The following EYS variants were observed in gnomAD, a reference collection of about 807,000 sequenced individuals.
EYS encodes protein eyes shut homolog.
EYS carries 250 observed loss-of-function variants against 282.1 expected under a neutral mutation model. The observed-to-expected ratio is 0.89, with a 90% CI of 0.80 to 0.98. EYS has a LOEUF of 0.98. Among genes scored for constraint, EYS ranks in the 50% least tolerant of loss-of-function variants. The pLI, the probability that EYS is intolerant of heterozygous loss-of-function variation, is 0.00. For synonymous variants in EYS, 1,355 were observed against 1,282.9 expected, an observed-to-expected ratio of 1.06 and a Z score of -1.20; for missense variants, 4,016 against 3,709.0, an observed-to-expected ratio of 1.08 and a Z score of -2.15.
chr6:63,833,198 T>A (rs1771696582), intron 36 of EYS, among the ~76,000 whole-genome samples: 1 of 152,086 alleles, frequency 6.6e-6, no homozygotes, highest in African/African-American at 2.4e-5. Flanking sequence ...TTCAACATGG[T>A]GTTGGAAGTT....
intron 22 of EYS, among the ~76,000 whole-genome samples, chr6:64,714,442 T>G (rs1023477494): frequency 6.6e-6 from 1 of 152,148 alleles, no homozygotes; most frequent in Non-Finnish European, 1.5e-5. Flanking sequence ...TTTTTAAAAT[T>G]TTCATCTAGC....
At chr6:64,421,861 G>C (rs4098453) in intron 28 of EYS, among the ~76,000 whole-genome samples, 1 of 64,206 alleles carries the variant, frequency 1.6e-5, no homozygotes, top group African/African-American at 8.8e-5. Flanking sequence ...TGTTTGGGGG[G>C]TGTGTGTGTG....
At chr6:63,950,683 C>T (rs1228273614) in intron 35 of EYS, among the ~76,000 whole-genome samples, 3 of 152,132 alleles carry the variant, frequency 2.0e-5, no homozygotes, top group Non-Finnish European at 4.4e-5. Flanking sequence ...GATCCACCTA[C>T]GACCTCTGGT....
At chr6:65,275,986 AC>A (rs1304300704) in intron 12 of EYS, among the ~76,000 whole-genome samples, 4 of 151,380 alleles carry the variant, frequency 2.6e-5, no homozygotes, top group Admixed American at 6.6e-5. Flanking sequence ...TAATAAAAAA[AC>A]AAAACAAACA....
At chr6:63,923,206 C>A (rs149195133) in intron 35 of EYS, among the ~76,000 whole-genome samples, 61 of 151,782 alleles carry the variant, frequency 4.0e-4, no homozygotes, top group African/African-American at 1.4e-3. Context: ...ATTTCATTCC[C>A]CTAGAATAGA....
At chr6:64,725,320 A>T (rs763611635) in intron 22 of EYS, among the ~76,000 whole-genome samples, 2 of 152,036 alleles carry the variant, frequency 1.3e-5, no homozygotes, top group African/African-American at 2.4e-5. Flanking sequence ...CATTCCACTC[A>T]TTGAGGAGAG....
intron 22 of EYS, among the ~76,000 whole-genome samples, chr6:64,789,178 C>T (rs1774107485): frequency 6.6e-6 from 1 of 152,154 alleles, no homozygotes; most frequent in Admixed American, 6.6e-5. Context: ...ATTTATCTTT[C>T]TAAAATACAA....
At chr6:64,901,460 T>C (rs11757469) in intron 18 of EYS, among the ~76,000 whole-genome samples, 4,720 of 151,682 alleles carry the variant, frequency 0.031, 135 homozygotes, top group East Asian at 0.13. Flanking sequence ...AAATGGAACA[T>C]TCTGAAAATG....
chr6:64,465,803 C>T (rs796119274), intron 26 of EYS, among the ~76,000 whole-genome samples: 8 of 150,916 alleles, frequency 5.3e-5, no homozygotes, highest in African/African-American at 1.9e-4. Context: ...ATAATTACCA[C>T]AGTGAAGAAA....
At chr6:64,233,516 A>C (rs1562264453) in intron 30 of EYS, among the ~76,000 whole-genome samples, 1 of 152,222 alleles carries the variant, frequency 6.6e-6, no homozygotes, top group Non-Finnish European at 1.5e-5. Context: ...AAACATAACT[A>C]GATGTTGGAC....
At chr6:64,877,064 G>A (rs1445856817) in intron 19 of EYS, among the ~76,000 whole-genome samples, 1 of 152,074 alleles carries the variant, frequency 6.6e-6, no homozygotes, top group East Asian at 1.9e-4. Flanking sequence ...AGATGATGGG[G>A]GCTTAGACTA....
At chr6:65,403,716 TAATG>T (rs1342439846) in intron 6 of EYS, among the ~76,000 whole-genome samples, 1 of 151,910 alleles carries the variant, frequency 6.6e-6, no homozygotes, top group African/African-American at 2.4e-5. Flanking sequence ...AGAATATAAA[TAATG>T]AATAATAGAG....
intron 40 of EYS, among the ~76,000 whole-genome samples, chr6:63,763,135 T>C (rs1194104198): frequency 2.0e-5 from 3 of 152,056 alleles, no homozygotes; most frequent in African/African-American, 4.8e-5. Flanking sequence ...GGGATGTTCA[T>C]AGTCAGGAAC....
intron 26 of EYS, among the ~76,000 whole-genome samples, chr6:64,533,758 A>C (rs190496544): frequency 2.1e-3 from 321 of 152,128 alleles, no homozygotes; most frequent in African/African-American, 5.4e-3. Flanking sequence ...CTAAGAACCC[A>C]AAAAAGTAAA....
intron 24 of EYS, among the ~76,000 whole-genome samples, chr6:64,595,909 G>C (rs764245977): frequency 1.3e-5 from 2 of 152,148 alleles, no homozygotes; most frequent in Non-Finnish European, 2.9e-5. Context: ...ATTTCATAAA[G>C]AAAGTAGGTT....
intron 22 of EYS, among the ~76,000 whole-genome samples, chr6:64,744,961 A>G (rs1257052104): frequency 6.6e-6 from 1 of 152,084 alleles, no homozygotes; most frequent in Non-Finnish European, 1.5e-5. Context: ...AACAGTTATG[A>G]AAAAATTTCT....
intron 15 of EYS, among the ~76,000 whole-genome samples, chr6:64,926,593 A>T (rs1183445617): frequency 6.6e-6 from 1 of 152,022 alleles, no homozygotes; most frequent in Non-Finnish European, 1.5e-5. Flanking sequence ...ATTCACTCAC[A>T]ATTTTCTGCT....
At chr6:64,919,095 C>G (rs575268997) in intron 15 of EYS, among the ~76,000 whole-genome samples, 1 of 152,272 alleles carries the variant, frequency 6.6e-6, no homozygotes, top group East Asian at 1.9e-4. Context: ...AAGAGTTCTA[C>G]TAGGCAGATT....
chr6:64,279,954 T>A (rs757764675), intron 30 of EYS, among the ~76,000 whole-genome samples: 2 of 152,184 alleles, frequency 1.3e-5, no homozygotes, highest in Non-Finnish European at 2.9e-5. Context: ...TTGCTTTGGT[T>A]CTTTATTTCT....
Sources: gnomAD v4.1 joint callset for allele counts (sites outside exome capture counted in the v4.1 genomes callset) on GRCh38, gnomAD v4.1.1 for gene constraint, MANE v1.5 for transcripts, NCBI Gene and HGNC (gene_info 2026-07-23, HGNC 2026-07-21) for gene names.